NXPH2: variants seen among roughly 807,000 people sequenced by gnomAD.
NXPH2 encodes neurexophilin-2.
A neutral mutation model predicts 19.8 loss-of-function variants in NXPH2; 5 were observed. The observed-to-expected ratio is 0.25, with a 90% CI of 0.13 to 0.53. The LOEUF (loss-of-function observed/expected upper bound fraction) is 0.53, where lower values mean the gene tolerates loss of function less well. NXPH2 is among the 20% of genes least tolerant of loss of function. The pLI, the probability that NXPH2 is intolerant of heterozygous loss-of-function variation, is 0.96. For missense variants in NXPH2, 289 were observed against 322.8 expected (o/e 0.90, Z 0.80); for synonymous variants, 154 against 127.4 (o/e 1.21, Z -1.41).
chr2:138,762,135 G>A (rs1429981243), intron 1 of NXPH2, among the ~76,000 whole-genome samples: 1 of 152,148 alleles, frequency 6.6e-6, no homozygotes, highest in Non-Finnish European at 1.5e-5. Flanking sequence ...TTTCTGTTAT[G>A]ACACTTCTAG....
At chr2:138,723,133 T>C (rs1681305316) in intron 1 of NXPH2, among the ~76,000 whole-genome samples, 1 of 151,874 alleles carries the variant, frequency 6.6e-6, no homozygotes, top group African/African-American at 2.4e-5. Context: ...GGTTTCACAT[T>C]AAAGCAAAGC....
At chr2:138,737,474 T>C (rs1681568937) in intron 1 of NXPH2, among the ~76,000 whole-genome samples, 1 of 152,176 alleles carries the variant, frequency 6.6e-6, no homozygotes, top group Non-Finnish European at 1.5e-5. Flanking sequence ...TCCATCTGGG[T>C]CCTTCCCACA....
intron 1 of NXPH2, among the ~76,000 whole-genome samples, chr2:138,712,192 T>C (rs1179186261): frequency 6.6e-6 from 1 of 152,154 alleles, no homozygotes; most frequent in African/African-American, 2.4e-5. Context: ...AATTAATTAA[T>C]TTACAGCAAC....
chr2:138,682,687 A>G (rs1680595969), intron 1 of NXPH2, among the ~76,000 whole-genome samples: 1 of 152,232 alleles, frequency 6.6e-6, no homozygotes, highest in South Asian at 2.1e-4. Flanking sequence ...TGATACAGGA[A>G]CTAACAGGAA....
chr2:138,707,106 A>AAAAAAAAAT (rs898822624), intron 1 of NXPH2, among the ~76,000 whole-genome samples: 1 of 146,956 alleles, frequency 6.8e-6, no homozygotes, highest in African/African-American at 2.5e-5. Flanking sequence ...AAAAAAAAAA[A>AAAAAAAAAT]AAAAAAGAGC....
In NXPH2 at chr2:138,678,563, C is replaced by T. The variant is rs187249879; in HGVS notation, c.52-6898G>A. Among the ~76,000 whole-genome samples, 20 of 152,040 alleles carry T rather than the reference C, an allele frequency of 1.3e-4. No homozygotes were observed. The East Asian group carries it at 3.7e-3, about 28-fold the overall frequency. The stretch of plus-strand genomic sequence containing the variant: ...AGTATCACTGAATTATCTAAAATAA[C>T]CTCAGAGTTGTTTAGGAATTTACAG... On this transcript the variant is annotated intron_variant, in intron 1 of 1. Transcript: ENST00000272641.
chr2:138,762,958 A>G lies in NXPH2; in HGVS notation c.51+17233T>C, dbSNP rs1290622349. On this transcript the variant is annotated intron_variant, in intron 1 of 1. Transcript: ENST00000272641. Reference sequence around the variant, plus strand: ...CATTGTATCTACTTTCATATACAGGAGAGCGTATTACGAATAAGTTACAGT... The same window carrying G: ...CATTGTATCTACTTTCATATACAGGGGAGCGTATTACGAATAAGTTACAGT... Among the ~76,000 whole-genome samples, 3 of 152,238 alleles carry G rather than the reference A, an allele frequency of 2.0e-5. No homozygotes were observed. In the East Asian group the frequency reaches 5.8e-4, roughly 29 times the overall value.
intron 1 of NXPH2, among the ~76,000 whole-genome samples, chr2:138,769,937 G>C (rs1375899978): frequency 1.3e-5 from 2 of 152,140 alleles, no homozygotes; most frequent in Non-Finnish European, 2.9e-5. Context: ...CAAATTCACA[G>C]TGTGCAGTAA....
intron 1 of NXPH2, among the ~76,000 whole-genome samples, chr2:138,700,365 G>A (rs553563298): frequency 4.6e-5 from 7 of 152,046 alleles, no homozygotes; most frequent in South Asian, 4.2e-4. Flanking sequence ...TTCACCTATC[G>A]ACATCTGGTG....
intron 1 of NXPH2, among the ~76,000 whole-genome samples, chr2:138,752,470 C>T (rs779231702): frequency 6.6e-6 from 1 of 152,142 alleles, no homozygotes; most frequent in Non-Finnish European, 1.5e-5. Flanking sequence ...TTTAAACATA[C>T]TTTTAATGCC....
rs930596795 is a variant in NXPH2 at position 138,780,323 on chromosome 2, G to A, written c.-82C>T. The A allele has an allele frequency of 2.0e-4, 214 of 1,072,872 alleles. No homozygotes were observed. The highest frequency in any genetic ancestry group is 2.4e-4 in the Non-Finnish European group (198 of 826,992). The allele number at this position is 1,072,872 out of a possible 1,614,324, so 66.5% of individuals were successfully genotyped here. A position where few individuals can be genotyped will look rare whatever the true frequency, so the allele number is the denominator to read the frequency against. Reference sequence around the variant, plus strand: ...TCTCCACTTCGCGGGGCAGGACTGAGGACGCCAGGGACACAGCGCGGCGCT... The same window carrying A: ...TCTCCACTTCGCGGGGCAGGACTGAAGACGCCAGGGACACAGCGCGGCGCT... On this transcript the variant is annotated 5_prime_UTR_variant, in exon 1 of 2. Coordinates refer to ENST00000272641, the MANE Select transcript of NXPH2 (RefSeq NM_007226.3).
intron 1 of NXPH2, among the ~76,000 whole-genome samples, chr2:138,731,989 G>A (rs137864860): frequency 2.0e-4 from 31 of 152,300 alleles, no homozygotes; most frequent in Admixed American, 3.9e-4. Flanking sequence ...AATTATCTCT[G>A]CATAGGCTTC....
At chr2:138,731,010 C>T (rs1681439753) in intron 1 of NXPH2, among the ~76,000 whole-genome samples, 2 of 152,200 alleles carry the variant, frequency 1.3e-5, no homozygotes, top group Admixed American at 6.5e-5. Flanking sequence ...CTTAGATAGG[C>T]CTCCTCTGAC....
At chr2:138,719,458 C>T (rs1457646516) in intron 1 of NXPH2, among the ~76,000 whole-genome samples, 2 of 152,248 alleles carry the variant, frequency 1.3e-5, no homozygotes, top group African/African-American at 2.4e-5. Flanking sequence ...AAATATAATA[C>T]ATAATATGTA....
At chr2:138,754,056 T>A (rs1421308740) in intron 1 of NXPH2, among the ~76,000 whole-genome samples, 2 of 152,116 alleles carry the variant, frequency 1.3e-5, no homozygotes, top group Admixed American at 1.3e-4. Flanking sequence ...GGACTCACAC[T>A]CCTGGGCTCC....
intron 1 of NXPH2, among the ~76,000 whole-genome samples, chr2:138,764,802 C>T (rs1288250873): frequency 6.6e-6 from 1 of 152,186 alleles, no homozygotes; most frequent in African/African-American, 2.4e-5. Context: ...AATTGAAACT[C>T]TCATTCTTAA....
At chr2:138,680,055 G>A (rs1267166506) in intron 1 of NXPH2, among the ~76,000 whole-genome samples, 2 of 151,974 alleles carry the variant, frequency 1.3e-5, no homozygotes, top group Non-Finnish European at 2.9e-5. Context: ...AAGAAAAGGA[G>A]GGGCAATGAA....
intron 1 of NXPH2, among the ~76,000 whole-genome samples, chr2:138,716,980 T>C (rs748033627): frequency 5.9e-5 from 9 of 152,180 alleles, no homozygotes; most frequent in Non-Finnish European, 1.3e-4. Flanking sequence ...ACTGCACATG[T>C]TTGAAATGAC....
At chr2:138,672,939 G>T (rs183100562) in intron 1 of NXPH2, among the ~76,000 whole-genome samples, 1 of 152,174 alleles carries the variant, frequency 6.6e-6, no homozygotes, top group African/African-American at 2.4e-5. Context: ...TAAAAGTTTA[G>T]AAGCTTAAAT....
Sources: allele counts gnomAD v4.1 joint callset (sites outside exome capture counted in the v4.1 genomes callset), GRCh38; gene constraint gnomAD v4.1.1; transcripts MANE v1.5; gene names NCBI Gene and HGNC (gene_info 2026-07-23, HGNC 2026-07-21).